THRB: variants seen among roughly 807,000 people sequenced by gnomAD.
THRB encodes the protein thyroid hormone receptor beta.
A neutral mutation model predicts 47.8 loss-of-function variants in THRB; 12 were observed. That is an observed-to-expected ratio of 0.25 (90% CI 0.16 to 0.41). The LOEUF is 0.41. THRB is among the 10% of genes least tolerant of loss of function. The probability of loss-of-function intolerance (pLI) is 1.00; values close to 1 mark genes in which losing one functional copy is unlikely to be tolerated. For missense variants in THRB, 348 were observed against 589.2 expected (o/e 0.59, Z 4.24); for synonymous variants, 218 against 212.2 (o/e 1.03, Z -0.24).
intron 1 of THRB, among the ~76,000 whole-genome samples, chr3:24,419,485 T>C (rs1470531590): frequency 6.6e-6 from 1 of 151,900 alleles, no homozygotes; most frequent in East Asian, 1.9e-4. Flanking sequence ...TCATTTATGA[T>C]AAAAACCTTT....
At chr3:24,273,869 CTGTATGTA>C (rs2053614286) in intron 3 of THRB, among the ~76,000 whole-genome samples, 1 of 151,888 alleles carries the variant, frequency 6.6e-6, no homozygotes, top group African/African-American at 2.4e-5. Flanking sequence ...AACTATGGGC[CTGTATGTA>C]TGTATCTTTT....
intron 2 of THRB, among the ~76,000 whole-genome samples, chr3:24,303,137 G>A (rs1427781984): frequency 6.6e-6 from 1 of 151,932 alleles, no homozygotes; most frequent in Non-Finnish European, 1.5e-5. Flanking sequence ...GATGAATAAT[G>A]TTGATGGAAG....
intron 1 of THRB, among the ~76,000 whole-genome samples, chr3:24,386,353 C>G (rs2066102334): frequency 6.6e-6 from 1 of 152,098 alleles, no homozygotes; most frequent in South Asian, 2.1e-4. Context: ...GCCCAACCAC[C>G]TCTAGTCCCT....
At chr3:24,256,884 T>C (rs1464631217) in intron 3 of THRB, among the ~76,000 whole-genome samples, 2 of 152,196 alleles carry the variant, frequency 1.3e-5, no homozygotes, top group African/African-American at 2.4e-5. Context: ...AGATATTTAG[T>C]AGGATTCAGG....
At chr3:24,306,987 TC>T (rs2057388717) in intron 2 of THRB, among the ~76,000 whole-genome samples, 1 of 152,068 alleles carries the variant, frequency 6.6e-6, no homozygotes, top group Admixed American at 6.6e-5. Flanking sequence ...TACAGATCAT[TC>T]TTTTTTTCTC....
chr3:24,295,458 G>C (rs143563270), intron 3 of THRB, among the ~76,000 whole-genome samples: 3 of 152,188 alleles, frequency 2.0e-5, no homozygotes, highest in Non-Finnish European at 4.4e-5. Context: ...TTGAGTGATT[G>C]AATGGTACTT....
At chr3:24,458,685 G>A (rs1337459990) in intron 1 of THRB, 1 of 152,134 alleles carries the variant, frequency 6.6e-6, no homozygotes, top group African/African-American at 2.4e-5. Flanking sequence ...AGGAAAGAAT[G>A]TTCCTCCATG....
At chr3:24,368,153 G>A (rs1005349395) in intron 1 of THRB, among the ~76,000 whole-genome samples, 1 of 152,020 alleles carries the variant, frequency 6.6e-6, no homozygotes, top group African/African-American at 2.4e-5. Flanking sequence ...ACTCCTGTAA[G>A]GTAACTAAAA....
intron 1 of THRB, among the ~76,000 whole-genome samples, chr3:24,348,368 G>A (rs2063153106): frequency 6.6e-6 from 1 of 152,078 alleles, no homozygotes; most frequent in African/African-American, 2.4e-5. Flanking sequence ...TTGTACTAGT[G>A]TAATAAGGCT....
intron 4 of THRB, among the ~76,000 whole-genome samples, chr3:24,221,505 G>T (rs11923838): frequency 0.046 from 7,056 of 152,204 alleles, 282 homozygotes; most frequent in African/African-American, 0.11. Context: ...GGGATAATGG[G>T]GATGATGATG....
chr3:24,122,920 G>A lies in THRB; in HGVS notation c.1350C>T (p.Leu450=), dbSNP rs1225965675. The change falls in exon 11 of 11, where the codon CTC becomes CTT. Residue 450 remains leucine, a synonymous_variant. Coordinates refer to ENST00000646209, the MANE Select transcript of THRB (RefSeq NM_001354712.2). ...LHMKVECPTE[L]FPPLFLEVFE... ...ACACTTCCAAGAACAAAGGGGGGAA[G>A]AGTTCTGTGGGGCATTCCACCTTCA... The A allele has an allele frequency of 1.2e-6, 2 of 1,614,098 alleles. No homozygotes were observed. Among genetic ancestry groups the A allele is most frequent in the Non-Finnish European group, 1.7e-6 (2 of 1,180,050 alleles).
rs66808823 is a variant in THRB at position 24,264,795 on chromosome 3, C to CAAA, written c.-43+32428_-43+32430dup. 2.4e-4 allele frequency among the ~76,000 whole-genome samples: 36 copies of CAAA among 148,446 alleles called. 1 individual carries two copies. Among genetic ancestry groups the CAAA allele is most frequent in the African/African-American group, 7.2e-4 (29 of 40,450 alleles). On this transcript the variant is annotated intron_variant, in intron 3 of 10. Transcript: ENST00000646209. ...ACCCCCTAAAACAGCAATCTTGTTG[C>CAAA]AAAAAAAAAAAAACTGGACTTTGTG...
intron 5 of THRB, among the ~76,000 whole-genome samples, chr3:24,156,784 A>G (rs952965084): frequency 2.0e-5 from 3 of 151,556 alleles, no homozygotes; most frequent in African/African-American, 7.3e-5. Flanking sequence ...TTTATACTGA[A>G]CCTCCTCAGT....
intron 1 of THRB, among the ~76,000 whole-genome samples, chr3:24,346,760 A>C (rs2063042908): frequency 6.6e-6 from 1 of 152,074 alleles, no homozygotes; most frequent in Non-Finnish European, 1.5e-5. Flanking sequence ...CTAGTTATTA[A>C]GCCTCAAAAT....
At chr3:24,429,101 A>T (rs994994740) in intron 1 of THRB, among the ~76,000 whole-genome samples, 3 of 151,796 alleles carry the variant, frequency 2.0e-5, no homozygotes, top group African/African-American at 7.2e-5. Flanking sequence ...AATAGCCATA[A>T]AACCCCTAAT....
At chr3:24,131,789 G>A (rs1042033807) in intron 9 of THRB, among the ~76,000 whole-genome samples, 2 of 152,184 alleles carry the variant, frequency 1.3e-5, no homozygotes, top group Non-Finnish European at 2.9e-5. Context: ...TAACTTGATC[G>A]TGAACGTCCC....
chr3:24,294,977 G>A (rs895838820), intron 3 of THRB, among the ~76,000 whole-genome samples: 1 of 152,168 alleles, frequency 6.6e-6, no homozygotes, highest in African/African-American at 2.4e-5. Context: ...GAAATCACCT[G>A]TGAATTCAAT....
rs1224495685 is a variant in THRB at position 24,351,166 on chromosome 3, T to A, written c.-260-13795A>T. Among the ~76,000 whole-genome samples the A allele has an allele frequency of 3.3e-5, 5 of 152,098 alleles. No homozygotes were observed. The East Asian group carries it at 9.6e-4, about 29-fold the overall frequency. ...AAGAAATCAGTTTTTTCTCTTCCCA[T>A]TGGCTTCTAAAAAACTCAGCCCTAA... On this transcript the variant is annotated intron_variant, in intron 1 of 10. Transcript: ENST00000646209.
chr3:24,199,108 C>T (rs748080428), intron 4 of THRB, among the ~76,000 whole-genome samples: 4 of 152,098 alleles, frequency 2.6e-5, no homozygotes, highest in Non-Finnish European at 5.9e-5. Flanking sequence ...AGATAGCATC[C>T]GAAAGTACTT....
Sources: gnomAD v4.1 joint callset for allele counts (sites outside exome capture counted in the v4.1 genomes callset) on GRCh38, gnomAD v4.1.1 for gene constraint, MANE v1.5 for transcripts, NCBI Gene and HGNC (gene_info 2026-07-23, HGNC 2026-07-21) for gene names.